Variants in SYNE3 observed in about 807,000 individuals in gnomAD.
SYNE3 encodes the protein nesprin-3.
Under a neutral mutation model 111.2 loss-of-function variants are expected in SYNE3, and 100 were observed. The ratio of observed to expected loss-of-function variants is 0.90; its 90% CI spans 0.77 to 1.06. The LOEUF (loss-of-function observed/expected upper bound fraction) is 1.06. Ranked by LOEUF, SYNE3 falls within the 50% of genes least tolerant of loss-of-function variation. The pLI, the probability that SYNE3 is intolerant of heterozygous loss-of-function variation, is 0.00. For missense variants in SYNE3, 1,160 were observed against 1,240.3 expected (o/e 0.94, Z 0.97); for synonymous variants, 547 against 533.9 (o/e 1.02, Z -0.34).
intron 1 of SYNE3, among the ~76,000 whole-genome samples, chr14:95,512,623 TG>T (rs1890762349): frequency 6.6e-6 from 1 of 150,660 alleles, no homozygotes; most frequent in Non-Finnish European, 1.5e-5. Flanking sequence ...GAGGCTGAGG[TG>T]GGCAGATCAC....
intron 2 of SYNE3, 34 bp downstream of exon 2, chr14:95,475,644 C>A: frequency 2.7e-6 from 4 of 1,473,122 alleles, no homozygotes; most frequent in Non-Finnish European, 3.6e-6. Flanking sequence ...GGGGCCAAGA[C>A]CACAGGGCCA....
intron 1 of SYNE3, among the ~76,000 whole-genome samples, chr14:95,480,762 G>GA (rs34792321): frequency 1.1e-4 from 16 of 147,686 alleles, no homozygotes; most frequent in East Asian, 9.8e-4. Context: ...GATGCAAACT[G>GA]AAAAAAAAAA....
At position 95,500,706 on chromosome 14, in the gene SYNE3, G is replaced by A. The variant is rs1890304031; in HGVS notation, c.-15+15890C>T. ...CTGACCACCCGTGGGACAGTGGCCAGCCATTTTAACATCTTTTCCCTCGCA... is the reference window on the plus strand; with the variant it reads ...CTGACCACCCGTGGGACAGTGGCCAACCATTTTAACATCTTTTCCCTCGCA... On this transcript the variant is annotated intron_variant, in intron 1 of 17. Transcript: ENST00000682763. This position sits in a 1 kb window ranked among gnomAD's most constrained non-coding sequence, Gnocchi z 4.7. Among the ~76,000 whole-genome samples the A allele has an allele frequency of 6.6e-6, 1 of 152,206 alleles. No homozygotes were observed. The highest frequency in any genetic ancestry group is 2.1e-4 in the South Asian group (1 of 4,834).
chr14:95,446,061 C>A lies in SYNE3; in HGVS notation c.1480G>T (p.Glu494Ter). ...AALMESSRLK[E>*]LLTMLQLKKD... The stretch of plus-strand genomic sequence containing the variant: ...TTCAGCTGCAGCATCGTCAGCAGCT[C>A]TTTCAGGCGGGAGCTTTCCATCAGG... Residue 494 changes from glutamate to a stop codon, truncating the protein, a stop_gained, in exon 9 of 18, where the codon GAG becomes TAG. Transcript: ENST00000682763. LOFTEE classifies it high-confidence loss of function. The A allele has an allele frequency of 6.2e-7, 1 of 1,614,150 alleles. No homozygotes were observed. The highest frequency in any genetic ancestry group is 8.5e-7 in the Non-Finnish European group (1 of 1,180,036).
Position 95,430,398 on chromosome 14 carries a change from G to T in SYNE3, c.2727+1681C>A, listed in dbSNP as rs975171046. On this transcript the variant is annotated intron_variant, in intron 17 of 17. Coordinates refer to ENST00000682763, the MANE Select transcript of SYNE3 (RefSeq NM_152592.6). ...GATGATTTTCCCTTTCTCATGAGAA[G>T]TGTGTTTGTTATTCTAAACTGGGGG... 1.8e-4 allele frequency among the ~76,000 whole-genome samples: 28 copies of T among 152,162 alleles called. 2 individuals are homozygous for T. The highest frequency in any genetic ancestry group is 1.3e-4 in the Admixed American group (2 of 15,282).
At chr14:95,510,670 C>A (rs1890690260) in intron 1 of SYNE3, among the ~76,000 whole-genome samples, 1 of 152,132 alleles carries the variant, frequency 6.6e-6, no homozygotes. Context: ...TGCCTGTAGT[C>A]CCAGCTACTC....
chr14:95,432,130 G>A lies in SYNE3; in HGVS notation c.2689-13C>T, dbSNP rs764923209. 1 of 1,609,030 alleles carries A rather than the reference G, an allele frequency of 6.2e-7. No individual in the cohort carries two copies. Among genetic ancestry groups the A allele is most frequent in the South Asian group, 1.1e-5 (1 of 90,308 alleles). On this transcript the variant is annotated splice_polypyrimidine_tract_variant and intron_variant, in intron 16 of 17. Coordinates refer to ENST00000682763, the MANE Select transcript of SYNE3 (RefSeq NM_152592.6). ...GAGAACTTTGTGTCTGTTATTTTAGGGAAGGAGAGGAAAAGGGGGGAAAAA... is the reference window on the plus strand; with the variant it reads ...GAGAACTTTGTGTCTGTTATTTTAGAGAAGGAGAGGAAAAGGGGGGAAAAA...
intron 11 of SYNE3, 76 bp from the exon 12 acceptor site, chr14:95,440,151 GCAGGGCTCTCACACCCGCTGGGGACCC>G: frequency 6.7e-7 from 1 of 1,496,330 alleles, no homozygotes; most frequent in South Asian, 1.3e-5. Context: ...CCCCCACCCT[GCAGGGCTCTCACACCCGCTGGGGACCC>G]CAGGGCTCCC....
At chr14:95,512,650 A>C (rs1595267090) in intron 1 of SYNE3, among the ~76,000 whole-genome samples, 1 of 152,130 alleles carries the variant, frequency 6.6e-6, no homozygotes, top group East Asian at 1.9e-4. Context: ...CAGGAGATCA[A>C]GACCATCCTG....
chr14:95,425,023 TGA>T (rs1885353655), intron 17 of SYNE3, among the ~76,000 whole-genome samples: 1 of 152,168 alleles, frequency 6.6e-6, no homozygotes, highest in Admixed American at 6.5e-5. Context: ...GTGGATCACT[TGA>T]GGTCAGGAGT....
At chr14:95,427,247 C>T (rs1415269270) in intron 17 of SYNE3, among the ~76,000 whole-genome samples, 1 of 152,086 alleles carries the variant, frequency 6.6e-6, no homozygotes, top group Non-Finnish European at 1.5e-5. Flanking sequence ...TCAAGCAGAC[C>T]GTGGTCTAGC....
At chr14:95,426,775 A>G (rs1397017335) in intron 17 of SYNE3, among the ~76,000 whole-genome samples, 1 of 151,746 alleles carries the variant, frequency 6.6e-6, no homozygotes, top group Non-Finnish European at 1.5e-5. Context: ...CCACGTCTCT[A>G]CTAAAAATAC....
At chr14:95,510,386 G>A (rs117658385) in intron 1 of SYNE3, among the ~76,000 whole-genome samples, 5,484 of 152,282 alleles carry the variant, frequency 0.036, 141 homozygotes, top group Non-Finnish European at 0.053. Context: ...ACCACCATCT[G>A]AAGCCAAGCA....
chr14:95,480,622 G>A (rs1889183671), intron 1 of SYNE3, among the ~76,000 whole-genome samples: 2 of 152,248 alleles, frequency 1.3e-5, no homozygotes, highest in South Asian at 4.1e-4. Context: ...CAGAATCTGA[G>A]CTCCAGGCTT....
At chr14:95,472,811 C>T (rs1253183867) in intron 2 of SYNE3, among the ~76,000 whole-genome samples, 1 of 152,158 alleles carries the variant, frequency 6.6e-6, no homozygotes, top group Non-Finnish European at 1.5e-5. Context: ...TTCCCTTAAC[C>T]CCTCGGGAAC....
Position 95,455,595 on chromosome 14 carries a change from T to C in SYNE3, c.919A>G (p.Lys307Glu). The C allele has an allele frequency of 6.2e-7, 1 of 1,614,182 alleles. No individual in the cohort carries two copies. Among genetic ancestry groups the C allele is most frequent in the South Asian group, 1.1e-5 (1 of 91,082 alleles). ...AGGGCGCGCAGCTTCTCCAGAACTT[T>C]CCTCATCTCTTCCAGTTCTCCGGTG... Reference protein sequence around the residue: ...KITGELEEMRKVLEKLRALWE... With the variant: ...KITGELEEMREVLEKLRALWE... The change falls in exon 6 of 18, where the codon AAA becomes GAA. Residue 307 changes from lysine to glutamate, a missense_variant. Coordinates refer to ENST00000682763, the MANE Select transcript of SYNE3 (RefSeq NM_152592.6).
chr14:95,491,816 T>C (rs1889866120), intron 1 of SYNE3, among the ~76,000 whole-genome samples: 1 of 147,008 alleles, frequency 6.8e-6, no homozygotes, highest in Admixed American at 6.8e-5. Context: ...AGTGAAAAGA[T>C]GTCCCACAGA....
chr14:95,452,480 A>AG lies in SYNE3; in HGVS notation c.1138-98dup, dbSNP rs1595208048. ...TGAGCGTGGCCAGTGGAGGTGGGCTAGGCTAGGAAGAAACTGTCACCAGGG... is the reference window on the plus strand; with the variant it reads ...TGAGCGTGGCCAGTGGAGGTGGGCTAGGGCTAGGAAGAAACTGTCACCAGGG... On this transcript the variant is annotated intron_variant, in intron 6 of 17. Coordinates refer to ENST00000682763, the MANE Select transcript of SYNE3 (RefSeq NM_152592.6). 15 of 1,403,630 alleles carry AG rather than the reference A, an allele frequency of 1.1e-5. No individual in the cohort carries two copies. The East Asian group carries it at 3.5e-4, about 33-fold the overall frequency. The allele number at this position is 1,403,630 out of a possible 1,614,324, so 86.9% of individuals were successfully genotyped here.
At chr14:95,497,918 G>T (rs1890164355) in intron 1 of SYNE3, among the ~76,000 whole-genome samples, 2 of 151,848 alleles carry the variant, frequency 1.3e-5, no homozygotes, top group African/African-American at 4.8e-5. Flanking sequence ...CAATTAGAGA[G>T]CCTTAGTCAG....
Sources: allele counts gnomAD v4.1 joint callset (sites outside exome capture counted in the v4.1 genomes callset), GRCh38; gene constraint gnomAD v4.1.1; non-coding constraint Gnocchi (gnomAD v3.1); transcripts MANE v1.5; gene names NCBI Gene and HGNC (gene_info 2026-07-23, HGNC 2026-07-21).